The following ZNF451 variants were observed in gnomAD, a reference collection of about 807,000 sequenced individuals.
ZNF451 encodes the protein E3 SUMO-protein ligase ZNF451.
A neutral mutation model predicts 107.1 loss-of-function variants in ZNF451; 80 were observed. The ratio of observed to expected loss-of-function variants is 0.75; its 90% CI spans 0.62 to 0.90. ZNF451 has a LOEUF of 0.90. Ranked by LOEUF, ZNF451 falls within the 40% of genes least tolerant of loss-of-function variation. ZNF451 has a pLI of 0.00. For synonymous variants in ZNF451, 362 were observed against 406.5 expected (o/e 0.89, Z 1.32); for missense variants, 1,107 against 1,236.2 (o/e 0.90, Z 1.57).
intron 3 of ZNF451, chr6:57,102,799 C>T (rs1476998180): frequency 2.0e-6 from 2 of 985,452 alleles, no homozygotes; most frequent in Non-Finnish European, 2.4e-6. Flanking sequence ...CTACCTGTAA[C>T]ATCTCTGTAG....
At chr6:57,164,147 A>G (rs1452007531) in intron 14 of ZNF451, among the ~76,000 whole-genome samples, 1 of 152,190 alleles carries the variant, frequency 6.6e-6, no homozygotes, top group Non-Finnish European at 1.5e-5. Flanking sequence ...TAACAATCCC[A>G]TATAATCTAG....
chr6:57,092,730 C>T (rs1829107555), intron 2 of ZNF451: 1 of 152,062 alleles, frequency 6.6e-6, no homozygotes, highest in Non-Finnish European at 1.5e-5. Flanking sequence ...GTTACTTCTT[C>T]GTTTTTACGG....
Position 57,153,881 on chromosome 6 carries a change from AC to A in ZNF451, c.2905del (p.Leu969TyrfsTer19). The A allele has an allele frequency of 6.2e-7, 1 of 1,614,160 alleles. No homozygotes were observed. Among genetic ancestry groups the A allele is most frequent in the Non-Finnish European group, 8.5e-7 (1 of 1,180,032 alleles). On this transcript the variant is annotated frameshift_variant, in exon 13 of 15. Coordinates refer to ENST00000370706, the MANE Select transcript of ZNF451 (RefSeq NM_001031623.3). LOFTEE classifies it high-confidence loss of function. ...CMHAGRLDEQ[L>X]PKQIPFTILS... ...CTTAGGCTGGCCGTCTAGATGAACA[AC>A]TACCCAAGCAAATTCCTTTCACCAT...
chr6:57,166,634 C>A (rs1204331839), intron 14 of ZNF451, among the ~76,000 whole-genome samples: 1 of 152,000 alleles, frequency 6.6e-6, no homozygotes, highest in African/African-American at 2.4e-5. Context: ...GTAGCAGTAC[C>A]CTCTAAAATA....
At position 57,103,893 on chromosome 6, in the gene ZNF451, CT is replaced by C. The variant is rs983181409; in HGVS notation, c.186+4756del. 3.0e-6 allele frequency: 3 copies of C among 985,208 alleles called. No homozygotes were observed. In the African/African-American group the frequency reaches 5.2e-5, roughly 17 times the overall value. 61.0% of individuals were successfully genotyped at this position (985,208 alleles called of 1,614,324 possible). On this transcript the variant is annotated intron_variant, in intron 3 of 14. Transcript: ENST00000370706. The stretch of plus-strand genomic sequence containing the variant: ...TATTCAGCACCCATTTTTAAATCTA[CT>C]TTTCTTCCTTATTTGTGCTACAGAG...
chr6:57,100,705 G>A (rs1278531013), intron 3 of ZNF451: 2 of 1,550,364 alleles, frequency 1.3e-6, no homozygotes, highest in African/African-American at 1.4e-5. Context: ...CTCCTTCTCT[G>A]GGAGTTGTTC....
At chr6:57,105,068 G>A in intron 3 of ZNF451, 1 of 985,312 alleles carries the variant, frequency 1.0e-6, no homozygotes, top group Non-Finnish European at 1.2e-6. Context: ...GTGAGGATTT[G>A]GTCTAGGGAG....
intron 3 of ZNF451, among the ~76,000 whole-genome samples, chr6:57,117,664 T>C (rs1413590694): frequency 2.0e-5 from 3 of 152,194 alleles, no homozygotes; most frequent in East Asian, 3.9e-4. Flanking sequence ...ATATAATTGC[T>C]GTGTTTCTGA....
At chr6:57,104,930 T>C in intron 3 of ZNF451, 2 of 985,366 alleles carry the variant, frequency 2.0e-6, no homozygotes, top group Non-Finnish European at 1.2e-6. Flanking sequence ...GGGGACAGAA[T>C]GCAGATCAGG....
chr6:57,113,287 C>T lies in ZNF451; in HGVS notation c.187-11447C>T, dbSNP rs138681888. Among the ~76,000 whole-genome samples the T allele has an allele frequency of 6.3e-3, 957 of 151,928 alleles. 40 individuals are homozygous for T. The highest frequency in any genetic ancestry group is 0.057 in the Admixed American group (871 of 15,258). ...GTTCACTAAGCCCTCCAGCTCCATC[C>T]ATGTTCCTGCAGAGGACATGATGTC... On this transcript the variant is annotated intron_variant, in intron 3 of 14. Coordinates refer to ENST00000370706, the MANE Select transcript of ZNF451 (RefSeq NM_001031623.3).
At chr6:57,138,266 C>CTT (rs574875090) in intron 7 of ZNF451, among the ~76,000 whole-genome samples, 51 of 139,178 alleles carry the variant, frequency 3.7e-4, no homozygotes, top group African/African-American at 1.3e-3. Flanking sequence ...TTGGTTCTGC[C>CTT]TTTTTTTTTT....
intron 6 of ZNF451, chr6:57,134,119 CAT>C (rs1460205896): frequency 6.6e-6 from 1 of 152,306 alleles, no homozygotes; most frequent in Non-Finnish European, 1.5e-5. Context: ...TTGTCTTTTC[CAT>C]ATGTCTCACC....
chr6:57,102,775 C>G (rs901529112), intron 3 of ZNF451: 38 of 985,282 alleles, frequency 3.9e-5, no homozygotes, highest in African/African-American at 1.9e-4. Context: ...TGGACACCAA[C>G]TGGAAAAAGA....
intron 12 of ZNF451, among the ~76,000 whole-genome samples, chr6:57,153,137 A>G (rs1832426395): frequency 6.6e-6 from 1 of 152,166 alleles, no homozygotes; most frequent in African/African-American, 2.4e-5. Context: ...GGTTTAAACA[A>G]CAAAAGATTT....
chr6:57,104,749 T>C, intron 3 of ZNF451: 3 of 985,450 alleles, frequency 3.0e-6, no homozygotes, highest in Non-Finnish European at 3.6e-6. Context: ...CTTTTCCTCC[T>C]GTGATATTTA....
intron 3 of ZNF451, among the ~76,000 whole-genome samples, chr6:57,117,129 A>G (rs1215060936): frequency 6.6e-6 from 1 of 152,178 alleles, no homozygotes; most frequent in African/African-American, 2.4e-5. Flanking sequence ...ACATAACCAT[A>G]TACAAGTTGA....
intron 3 of ZNF451, chr6:57,101,900 A>G (rs1391458876): frequency 6.4e-7 from 1 of 1,550,544 alleles, no homozygotes; most frequent in Non-Finnish European, 8.7e-7. Context: ...GTTGTTGCAG[A>G]AGACAACAAT....
intron 7 of ZNF451, among the ~76,000 whole-genome samples, chr6:57,139,910 G>GT (rs1354634897): frequency 2.0e-5 from 3 of 152,116 alleles, no homozygotes; most frequent in Non-Finnish European, 2.9e-5. Flanking sequence ...GGGTGTATTG[G>GT]TGTATGCCTG....
Position 57,107,597 on chromosome 6 carries a change from C to T in ZNF451, c.186+8456C>T, listed in dbSNP as rs1433868170. ...CCATCCCCATGGATTTATTATAATACAGCTCTGATATATCTTAAAGTTAAC... is the reference window on the plus strand; with the variant it reads ...CCATCCCCATGGATTTATTATAATATAGCTCTGATATATCTTAAAGTTAAC... On this transcript the variant is annotated intron_variant, in intron 3 of 14. Coordinates refer to ENST00000370706, the MANE Select transcript of ZNF451 (RefSeq NM_001031623.3). The T allele has an allele frequency of 4.1e-6, 4 of 985,092 alleles. No individual in the cohort carries two copies. The African/African-American group carries it at 7.0e-5, about 17-fold the overall frequency. The allele number at this position is 985,092 out of a possible 1,614,324, so 61.0% of individuals were successfully genotyped here. A position where few individuals can be genotyped will look rare whatever the true frequency, so the allele number is the denominator to read the frequency against.
Sources: allele counts gnomAD v4.1 joint callset (sites outside exome capture counted in the v4.1 genomes callset), GRCh38; gene constraint gnomAD v4.1.1; transcripts MANE v1.5; gene names NCBI Gene and HGNC (gene_info 2026-07-23, HGNC 2026-07-21).